The following CEP170 variants were observed in gnomAD, a reference collection of about 807,000 sequenced individuals.
The protein encoded by CEP170 is centrosomal protein 170, also known as centrosomal protein of 170 kDa.
A neutral mutation model predicts 151.9 loss-of-function variants in CEP170; 21 were observed. The ratio of observed to expected loss-of-function variants is 0.14; its 90% CI spans 0.10 to 0.20. CEP170 has a LOEUF of 0.20. CEP170 is among the 10% of genes least tolerant of loss of function. CEP170 has a pLI of 1.00. For synonymous variants in CEP170, 356 were observed against 648.8 expected (o/e 0.55, Z 6.86); for missense variants, 964 against 1,892.9 (o/e 0.51, Z 9.11).
At chr1:243,175,880 T>C (rs2148649029) in intron 10 of CEP170, among the ~76,000 whole-genome samples, 1 of 152,258 alleles carries the variant, frequency 6.6e-6, no homozygotes, top group Admixed American at 6.5e-5. Flanking sequence ...CACTGCAAGC[T>C]CCGCCTCCCG....
At position 243,156,382 on chromosome 1, in the gene CEP170, A is replaced by G. The variant is rs781047405; in HGVS notation, c.3750T>C (p.Asn1250=). 9 of 1,561,296 alleles carry G rather than the reference A, an allele frequency of 5.8e-6. No individual in the cohort carries two copies. The South Asian group carries it at 1.1e-4, about 18-fold the overall frequency. The stretch of plus-strand genomic sequence containing the variant: ...TACGTAGACGGGTATGTTTAGGGGA[A>G]TTACGGTTTGATCCAAATTCATCTT... ...TSEDEFGSNR[N]SPKHTRLRTS... The change falls in exon 14 of 20, where the codon AAT becomes AAC. Residue 1250 remains asparagine, a synonymous_variant. Transcript: ENST00000366542.
In CEP170 at chr1:243,191,070, C is replaced by A; in HGVS notation, c.1056G>T (p.Glu352Asp). ...PPQMLWERTE[E>D]DSKSIKSDVP... ...CATCACTTTTAATGCTTTTAGAATC[C>A]TCTTCTGTTCTTTCCCATAGCATTT... The change falls in exon 8 of 20, where the codon GAG (glutamate) becomes GAT (aspartate). Residue 352 changes from glutamate (E) to aspartate (D), a missense_variant. Physicochemically the swap from Glu to Asp is conservative, Grantham distance 45. Transcript: ENST00000366542. The A allele has an allele frequency of 6.2e-7, 1 of 1,611,182 alleles. No individual in the cohort carries two copies. The highest frequency in any genetic ancestry group is 8.5e-7 in the Non-Finnish European group (1 of 1,178,318).
chr1:243,206,464 C>A (rs1185810841), intron 4 of CEP170, among the ~76,000 whole-genome samples: 1 of 152,332 alleles, frequency 6.6e-6, no homozygotes, highest in East Asian at 1.9e-4. Context: ...AGATGAAATA[C>A]TTTTCTAGAC....
At chr1:243,158,543 A>C (rs1006117901) in intron 13 of CEP170, among the ~76,000 whole-genome samples, 2 of 152,196 alleles carry the variant, frequency 1.3e-5, no homozygotes, top group Admixed American at 6.5e-5. Flanking sequence ...AGAAGGAGAA[A>C]TTGAGTACCA....
intron 7 of CEP170, among the ~76,000 whole-genome samples, chr1:243,193,358 C>T (rs535689532): frequency 6.6e-6 from 1 of 152,044 alleles, no homozygotes; most frequent in South Asian, 2.1e-4. Flanking sequence ...CTCCCTCCCC[C>T]CATATAGATA....
At chr1:243,155,707 CT>C (rs1163961502) in intron 14 of CEP170, among the ~76,000 whole-genome samples, 12 of 151,954 alleles carry the variant, frequency 7.9e-5, no homozygotes, top group African/African-American at 1.2e-4. Flanking sequence ...CAGATTTAAT[CT>C]TCAAAATAGT....
In CEP170 at chr1:243,215,126, G is replaced by A. The variant is rs140003802; in HGVS notation, c.196-3162C>T. 3.2e-3 allele frequency among the ~76,000 whole-genome samples: 493 copies of A among 152,208 alleles called. 3 individuals carry two copies. The highest frequency in any genetic ancestry group is 0.011 in the African/African-American group (446 of 41,526). ...TCATGGACATTTTATCACTTCCCCA[G>A]TCAATACTCTTGTGATTTCCTATGC... On this transcript the variant is annotated intron_variant, in intron 3 of 19. Coordinates refer to ENST00000366542, the MANE Select transcript of CEP170 (RefSeq NM_014812.3).
intron 1 of CEP170, among the ~76,000 whole-genome samples, chr1:243,227,183 G>A (rs1287221827): frequency 6.6e-6 from 1 of 151,990 alleles, no homozygotes; most frequent in African/African-American, 2.4e-5. Flanking sequence ...TTTAAGTACA[G>A]GGAAGCTGTT....
intron 2 of CEP170, 29 bp from the exon 3 acceptor site, chr1:243,221,842 A>G (rs72757676): frequency 3.2e-5 from 51 of 1,572,706 alleles, no homozygotes; most frequent in South Asian, 1.2e-4. Context: ...GTTAATAAAT[A>G]TAAGAAAATA....
intron 13 of CEP170, among the ~76,000 whole-genome samples, chr1:243,158,990 C>G (rs2057814211): frequency 6.6e-6 from 1 of 152,060 alleles, no homozygotes; most frequent in Non-Finnish European, 1.5e-5. Context: ...TTACGTGAAC[C>G]CTGGAGTCGG....
intron 3 of CEP170, among the ~76,000 whole-genome samples, chr1:243,215,448 C>T (rs947729321): frequency 2.0e-5 from 3 of 152,116 alleles, no homozygotes; most frequent in Non-Finnish European, 4.4e-5. Context: ...AGAATGCGTT[C>T]CTAGTGGGAG....
At chr1:243,226,065 A>T (rs199717659) in intron 1 of CEP170, among the ~76,000 whole-genome samples, 5 of 129,610 alleles carry the variant, frequency 3.9e-5, no homozygotes, top group South Asian at 2.4e-4. Context: ...CTAGATATAT[A>T]TATCTATATC....
At chr1:243,179,202 T>C (rs952174210) in intron 10 of CEP170, among the ~76,000 whole-genome samples, 3 of 152,234 alleles carry the variant, frequency 2.0e-5, no homozygotes, top group African/African-American at 7.2e-5. Context: ...CTTCAAATTA[T>C]ACTTAGATCT....
chr1:243,166,229 A>T, intron 12 of CEP170, 113 bp from the exon 13 acceptor site: 1 of 1,407,344 alleles, frequency 7.1e-7, no homozygotes, highest in Non-Finnish European at 9.5e-7. Context: ...CAGGCCCCTT[A>T]TTCCCCCAGG....
At chr1:243,202,088 T>C (rs1380515464) in intron 4 of CEP170, among the ~76,000 whole-genome samples, 1 of 152,106 alleles carries the variant, frequency 6.6e-6, no homozygotes, top group Non-Finnish European at 1.5e-5. Flanking sequence ...GAAAATGTGG[T>C]ATATATACAC....
chr1:243,151,596 A>G (rs1182534612), intron 14 of CEP170, among the ~76,000 whole-genome samples: 12 of 152,364 alleles, frequency 7.9e-5, no homozygotes, highest in African/African-American at 2.9e-4. Context: ...GAAACTGCAG[A>G]AGAAAAGTTT....
intron 11 of CEP170, among the ~76,000 whole-genome samples, chr1:243,171,098 A>G (rs2058811219): frequency 6.6e-6 from 1 of 152,248 alleles, no homozygotes; most frequent in African/African-American, 2.4e-5. Context: ...CAGGGGTTGA[A>G]GGAATAGAGA....
chr1:243,189,708 T>C (rs1354720564), intron 8 of CEP170, among the ~76,000 whole-genome samples: 1 of 152,002 alleles, frequency 6.6e-6, no homozygotes, highest in Non-Finnish European at 1.5e-5. Flanking sequence ...TTAAGAGTGG[T>C]TTTAAAAAGT....
At chr1:243,142,892 C>A (rs2056023684) in intron 14 of CEP170, among the ~76,000 whole-genome samples, 1 of 152,174 alleles carries the variant, frequency 6.6e-6, no homozygotes, top group African/African-American at 2.4e-5. Context: ...ATACAGGCAA[C>A]AAATCACAGT....
Sources: allele counts gnomAD v4.1 joint callset (sites outside exome capture counted in the v4.1 genomes callset), GRCh38; gene constraint gnomAD v4.1.1; transcripts MANE v1.5; gene names NCBI Gene and HGNC (gene_info 2026-07-23, HGNC 2026-07-21).